ANKDD1A: variants seen among roughly 807,000 people sequenced by gnomAD.
ANKDD1A encodes the protein ankyrin repeat and death domain-containing protein 1A.
In ANKDD1A, 59 loss-of-function variants were observed where a neutral mutation model predicts 63.5. The observed-to-expected ratio is 0.93, with a 90% CI of 0.75 to 1.15. ANKDD1A has a LOEUF of 1.15. Ranked by LOEUF, ANKDD1A falls within the 50% of genes most tolerant of loss-of-function variation. The pLI is 0.00. For synonymous variants in ANKDD1A, 266 were observed against 263.9 expected (o/e 1.01, Z -0.08); for missense variants, 632 against 656.4 (o/e 0.96, Z 0.41).
At chr15:64,953,605 T>TCTCTCCC (rs2085349167) in intron 14 of ANKDD1A, among the ~76,000 whole-genome samples, 576 of 29,602 alleles carry the variant, frequency 0.019, 9 homozygotes, top group African/African-American at 0.049. Flanking sequence ...CTTTTCTTCT[T>TCTCTCCC]TCTTCTCTCC....
At position 64,945,834 on chromosome 15, in the gene ANKDD1A, A is replaced by G. The variant is rs533085175; in HGVS notation, c.1161+1087A>G. On this transcript the variant is annotated intron_variant, in intron 12 of 14. Transcript: ENST00000319580. ...TTTTTAGTAGAGATGGGGTTTCACT[A>G]TGTTGGCCAGGATGGTCTCAATCTT... 4.0e-5 allele frequency among the ~76,000 whole-genome samples: 6 copies of G among 151,130 alleles called. No individual in the cohort carries two copies. In the East Asian group the frequency reaches 5.8e-4, roughly 15 times the overall value.
intron 14 of ANKDD1A, among the ~76,000 whole-genome samples, chr15:64,953,615 C>CCTCTTCTTCTTCTTAGTTCTTCTTAG (rs1206540695): frequency 5.5e-5 from 6 of 108,910 alleles, no homozygotes; most frequent in Admixed American, 2.6e-4. Flanking sequence ...TTCTTCTCTC[C>CCTCTTCTTCTTCTTAGTTCTTCTTAG]TTCTTCTTCT....
intron 12 of ANKDD1A, among the ~76,000 whole-genome samples, chr15:64,945,607 C>CATATATATACATATATATATATAT (rs1555396878): frequency 1.5e-4 from 11 of 73,862 alleles, no homozygotes; most frequent in African/African-American, 6.2e-4. Context: ...GCATTTTCAA[C>CATATATATACATATATATATATAT]ATATATATAT....
intron 14 of ANKDD1A, among the ~76,000 whole-genome samples, chr15:64,953,848 TC>T (rs2085362360): frequency 2.7e-4 from 4 of 15,046 alleles, no homozygotes; most frequent in African/African-American, 4.0e-4. Flanking sequence ...CTTCTTTTCT[TC>T]TTTCCTCTTC....
chr15:64,953,156 T>G (rs1273737151), intron 14 of ANKDD1A, among the ~76,000 whole-genome samples: 2 of 3,828 alleles, frequency 5.2e-4, no homozygotes, highest in Admixed American at 9.2e-3. Context: ...TTTTCTCCTT[T>G]CTTCTTTCCT....
At chr15:64,938,464 C>T (rs543158282) in intron 9 of ANKDD1A, among the ~76,000 whole-genome samples, 1 of 152,108 alleles carries the variant, frequency 6.6e-6, no homozygotes, top group Non-Finnish European at 1.5e-5. Flanking sequence ...AGTCTAATTC[C>T]GAGAACAACA....
In ANKDD1A at chr15:64,943,430, G is replaced by C. The variant is rs1001494430; in HGVS notation, c.967-54G>C. The stretch of plus-strand genomic sequence containing the variant: ...TCATTGTGCGGGCTGACTTAGGGTA[G>C]TGGGCCACCCCTACATGCTTTTCAC... On this transcript the variant is annotated intron_variant, in intron 10 of 14. Transcript: ENST00000319580. The C allele has an allele frequency of 2.7e-6, 4 of 1,492,200 alleles. No individual in the cohort carries two copies. In the African/African-American group the frequency reaches 5.5e-5, roughly 21 times the overall value. The allele number at this position is 1,492,200 out of a possible 1,614,324, so 92.4% of individuals were successfully genotyped here.
intron 1 of ANKDD1A, among the ~76,000 whole-genome samples, chr15:64,912,827 G>T (rs1170851179): frequency 6.6e-6 from 1 of 152,244 alleles, no homozygotes; most frequent in African/African-American, 2.4e-5. Flanking sequence ...GGGATGTGTT[G>T]GGGGTGGGAA....
intron 3 of ANKDD1A, among the ~76,000 whole-genome samples, chr15:64,920,882 C>T (rs1469795446): frequency 3.3e-5 from 5 of 152,200 alleles, no homozygotes; most frequent in Non-Finnish European, 7.3e-5. Context: ...CATTCTTAAA[C>T]ACCAGTCCAG....
chr15:64,946,897 C>G (rs1319304606), intron 12 of ANKDD1A, among the ~76,000 whole-genome samples: 2 of 152,174 alleles, frequency 1.3e-5, no homozygotes, highest in African/African-American at 4.8e-5. Context: ...ATCATTTATG[C>G]TATGACAGAA....
intron 8 of ANKDD1A, chr15:64,931,830 A>C (rs1202443222): frequency 1.5e-5 from 9 of 596,078 alleles, no homozygotes; most frequent in Admixed American, 5.9e-5. Context: ...TGTTGTGAGG[A>C]TTAAATACCT....
At position 64,917,379 on chromosome 15, in the gene ANKDD1A, C is replaced by G. The variant is rs545706604; in HGVS notation, c.139-7C>G. 14 of 1,601,046 alleles carry G rather than the reference C, an allele frequency of 8.7e-6. No individual in the cohort carries two copies. In the East Asian group the frequency reaches 2.9e-4, roughly 33 times the overall value. On this transcript the variant is annotated splice_polypyrimidine_tract_variant and splice_region_variant and intron_variant, in intron 2 of 14. Coordinates refer to ENST00000319580, the MANE Select transcript of ANKDD1A (RefSeq NM_182703.6). ...GCACCTGACAAGTGTCATCTCCCTC[C>G]GGGCAGGTGGGCAGGGTGGCCCTGC... is the stretch of plus-strand genomic sequence containing the variant.
Position 64,917,427 on chromosome 15 carries a change from C to G in ANKDD1A, c.180C>G (p.His60Gln), listed in dbSNP as rs781358566. The G allele has an allele frequency of 2.5e-6, 4 of 1,610,704 alleles. No individual in the cohort carries two copies. Among genetic ancestry groups the G allele is most frequent in the South Asian group, 1.1e-5 (1 of 90,492 alleles). ...VALHWAAGAG[H>Q]EQAVRLLLEH... Reference sequence around the variant, plus strand: ...TGCACTGGGCTGCAGGTGCAGGGCACGAGCAGGCTGTGCGTCTGCTTCTGG... The same window carrying G: ...TGCACTGGGCTGCAGGTGCAGGGCAGGAGCAGGCTGTGCGTCTGCTTCTGG... The change falls in exon 3 of 15, where the codon CAC becomes CAG. Residue 60 changes from histidine (H) to glutamine (Q), a missense_variant. By Grantham distance (24) the His-to-Gln change is conservative. Transcript: ENST00000319580.
chr15:64,952,534 TTC>T lies in ANKDD1A; in HGVS notation c.1483+2565_1483+2566del, dbSNP rs2085311252. On this transcript the variant is annotated intron_variant, in intron 14 of 14. Transcript: ENST00000319580. Reference sequence around the variant, plus strand: ...CTTACTTTCTTCTTCCTTCGTCTTCTTCTCCTTCTCCTCCTCCTTCCTTCTCC... The same window carrying T: ...CTTACTTTCTTCTTCCTTCGTCTTCTTCCTTCTCCTCCTCCTTCCTTCTCC... Among the ~76,000 whole-genome samples, 3 of 70,996 alleles carry T rather than the reference TTC, an allele frequency of 4.2e-5. No individual in the cohort carries two copies. In the East Asian group the frequency reaches 1.6e-3, roughly 38 times the overall value. 46.6% of individuals were successfully genotyped at this position (70,996 alleles called of 152,430 possible).
intron 1 of ANKDD1A, among the ~76,000 whole-genome samples, chr15:64,913,797 C>G (rs1446978029): frequency 1.3e-5 from 2 of 152,274 alleles, no homozygotes; most frequent in South Asian, 4.2e-4. Flanking sequence ...CACAAAGGGG[C>G]TGGGTTCAGA....
chr15:64,926,122 G>A lies in ANKDD1A; in HGVS notation c.423G>A (p.Ala141=), dbSNP rs768403279. The part of the protein sequence containing the change: ...AAQKGHVPVL[A]FIMEDLEDVA... ...AAAAAGGCCATGTGCCTGTGCTGGC[G>A]TTCATAATGGAGGACCTGGAGGATG... Residue 141 remains alanine (A), a synonymous_variant, in exon 5 of 15, where the codon GCG becomes GCA. Transcript: ENST00000319580. The A allele has an allele frequency of 5.0e-6, 8 of 1,613,906 alleles. No individual in the cohort carries two copies. Among genetic ancestry groups the A allele is most frequent in the Admixed American group, 3.3e-5 (2 of 59,998 alleles).
chr15:64,952,787 CCTTCTTCT>C (rs2085320742), intron 14 of ANKDD1A, among the ~76,000 whole-genome samples: 2 of 138,894 alleles, frequency 1.4e-5, no homozygotes, highest in African/African-American at 2.7e-5. Flanking sequence ...TCTTCCTTCT[CCTTCTTCT>C]TTTCTTCTCC....
At chr15:64,914,480 A>T (rs186660500) in intron 1 of ANKDD1A, among the ~76,000 whole-genome samples, 1 of 152,084 alleles carries the variant, frequency 6.6e-6, no homozygotes, top group Non-Finnish European at 1.5e-5. Flanking sequence ...TTTTGTAGAG[A>T]TGGAGGTTTT....
At chr15:64,925,976 G>A (rs1226853905) in intron 4 of ANKDD1A, 90 bp from the exon 5 acceptor site, 1 of 1,186,844 alleles carries the variant, frequency 8.4e-7, no homozygotes, top group Non-Finnish European at 1.2e-6. Context: ...TGTGTTCTGG[G>A]TCCCAAACAC....
Sources: allele counts gnomAD v4.1 joint callset (sites outside exome capture counted in the v4.1 genomes callset), GRCh38; gene constraint gnomAD v4.1.1; transcripts MANE v1.5; gene names NCBI Gene and HGNC (gene_info 2026-07-23, HGNC 2026-07-21).